Variants in PCDHA8 observed in about 807,000 individuals in gnomAD.
PCDHA8 encodes the protein protocadherin alpha 8, also known as protocadherin alpha-8.
Under a neutral mutation model 61.8 loss-of-function variants are expected in PCDHA8, and 53 were observed. The ratio of observed to expected loss-of-function variants is 0.86; its 90% CI spans 0.69 to 1.08. PCDHA8 has a LOEUF of 1.08. Ranked by LOEUF, PCDHA8 falls within the 50% of genes least tolerant of loss-of-function variation. PCDHA8 has a pLI of 0.00. For synonymous variants in PCDHA8, 618 were observed against 556.6 expected (o/e 1.11, Z -1.55); for missense variants, 1,293 against 1,245.0 (o/e 1.04, Z -0.58).
chr5:140,856,367 G>C, intron 1 of PCDHA8: 1 of 1,598,612 alleles, frequency 6.3e-7, no homozygotes, highest in Non-Finnish European at 8.6e-7. Context: ...CCACCTGGAG[G>C]TGATCGTGGA....
intron 1 of PCDHA8, among the ~76,000 whole-genome samples, chr5:140,974,864 C>T (rs949061887): frequency 6.6e-6 from 1 of 152,124 alleles, no homozygotes; most frequent in Non-Finnish European, 1.5e-5. Flanking sequence ...TGCCTTAATG[C>T]GGAACAGTCT....
chr5:140,876,839 C>G, intron 1 of PCDHA8: 1 of 1,614,116 alleles, frequency 6.2e-7, no homozygotes, highest in Non-Finnish European at 8.5e-7. Flanking sequence ...CCTGCGTTCG[C>G]GCAGCCCGAG....
chr5:140,884,403 T>C, intron 1 of PCDHA8: 1 of 1,613,992 alleles, frequency 6.2e-7, no homozygotes, highest in African/African-American at 1.3e-5. Context: ...AGCCTGTTGG[T>C]GCTCACGTTG....
intron 1 of PCDHA8, among the ~76,000 whole-genome samples, chr5:140,896,522 G>A (rs1228394123): frequency 6.7e-6 from 1 of 149,268 alleles, no homozygotes; most frequent in Non-Finnish European, 1.5e-5. Context: ...ACACCACAAA[G>A]CCCAGCTATT....
At chr5:140,979,257 C>T (rs1454477008) in intron 2 of PCDHA8, among the ~76,000 whole-genome samples, 1 of 152,194 alleles carries the variant, frequency 6.6e-6, no homozygotes, top group Non-Finnish European at 1.5e-5. Flanking sequence ...TATGTATTTT[C>T]TCCCATCAAA....
chr5:140,960,188 G>A (rs1371016387), intron 1 of PCDHA8, among the ~76,000 whole-genome samples: 7 of 152,132 alleles, frequency 4.6e-5, no homozygotes, highest in Non-Finnish European at 7.4e-5. Flanking sequence ...GGTTGCATGT[G>A]TAGTGGTCAG....
In PCDHA8 at chr5:140,882,396, C is replaced by A. The variant is rs1287441519; in HGVS notation, c.2394+38681C>A. 54 of 1,614,078 alleles carry A rather than the reference C, an allele frequency of 3.3e-5. No homozygotes were observed. The highest frequency in any genetic ancestry group is 4.6e-5 in the Non-Finnish European group (54 of 1,180,056). On this transcript the variant is annotated intron_variant, in intron 1 of 3. Transcript: ENST00000531613. The stretch of plus-strand genomic sequence containing the variant: ...GTCCCCGAGGAAGCAAAACACGGCA[C>A]CTTCGTGGGCCGCATCGCTCAGGAC...
At chr5:140,954,968 G>T (rs531304394) in intron 1 of PCDHA8, among the ~76,000 whole-genome samples, 4 of 152,200 alleles carry the variant, frequency 2.6e-5, no homozygotes, top group African/African-American at 9.6e-5. Context: ...TAAGGAAAGG[G>T]TCCAGTTTCA....
intron 1 of PCDHA8, chr5:140,848,198 C>A (rs891964710): frequency 3.2e-6 from 1 of 311,390 alleles, no homozygotes; most frequent in Non-Finnish European, 5.9e-6. Flanking sequence ...TCTGTTTCAA[C>A]AATCATTACT....
At chr5:140,849,541 A>C in intron 1 of PCDHA8, 1 of 1,598,262 alleles carries the variant, frequency 6.3e-7, no homozygotes, top group Non-Finnish European at 8.6e-7. Flanking sequence ...AATGCTCCAC[A>C]GTTGACTATC....
intron 2 of PCDHA8, among the ~76,000 whole-genome samples, chr5:140,981,680 C>T (rs1238332235): frequency 6.6e-6 from 1 of 151,746 alleles, no homozygotes; most frequent in Non-Finnish European, 1.5e-5. Flanking sequence ...CTTCCTTCCT[C>T]CCTTCCATCA....
At chr5:140,956,474 C>G (rs1585669580) in intron 1 of PCDHA8, among the ~76,000 whole-genome samples, 1 of 152,160 alleles carries the variant, frequency 6.6e-6, no homozygotes, top group East Asian at 1.9e-4. Flanking sequence ...ATATGTTGAA[C>G]CAGTCTTGCA....
intron 3 of PCDHA8, among the ~76,000 whole-genome samples, chr5:140,985,001 G>A (rs1554246727): frequency 1.3e-5 from 2 of 151,944 alleles, no homozygotes; most frequent in South Asian, 2.1e-4. Flanking sequence ...CCAGTGGCAC[G>A]ATATCGGCTC....
At chr5:140,863,393 C>G (rs782189753) in intron 1 of PCDHA8, 2 of 924,736 alleles carry the variant, frequency 2.2e-6, no homozygotes, top group Non-Finnish European at 3.3e-6. Flanking sequence ...TCGTGCATGC[C>G]GGGCAAGCCC....
chr5:140,891,009 A>AT (rs35053611), intron 1 of PCDHA8, among the ~76,000 whole-genome samples: 3 of 152,052 alleles, frequency 2.0e-5, no homozygotes, highest in East Asian at 3.9e-4. Context: ...ATTGAAAAGC[A>AT]TTTTTTCTGA....
intron 1 of PCDHA8, chr5:140,882,378 A>G: frequency 6.2e-7 from 1 of 1,614,186 alleles, no homozygotes; most frequent in Non-Finnish European, 8.5e-7. Flanking sequence ...TCCGTCCCCG[A>G]GGAAGCAAAA....
chr5:140,870,426 C>A (rs574302735), intron 1 of PCDHA8: 1 of 1,614,090 alleles, frequency 6.2e-7, no homozygotes, highest in Non-Finnish European at 8.5e-7. Context: ...CCAGGGTATC[C>A]GTGGAGGTGG....
intron 1 of PCDHA8, among the ~76,000 whole-genome samples, chr5:140,893,957 G>T (rs1308768731): frequency 1.3e-5 from 2 of 152,100 alleles, no homozygotes; most frequent in African/African-American, 4.8e-5. Context: ...GACTTTATTA[G>T]TCATTAGATA....
chr5:140,920,129 A>T lies in PCDHA8; in HGVS notation c.2395-58820A>T, dbSNP rs369489887. Among the ~76,000 whole-genome samples, 8 of 152,262 alleles carry T rather than the reference A, an allele frequency of 5.3e-5. No homozygotes were observed. The South Asian group carries it at 1.7e-3, about 32-fold the overall frequency. ...CAACCTTGCCAACATCTTGAGTTTT[A>T]ATTCTCCTCTCCAAACCTGGGAGAA... On this transcript the variant is annotated intron_variant, in intron 1 of 3. Transcript: ENST00000531613.
Sources: gnomAD v4.1 joint callset for allele counts (sites outside exome capture counted in the v4.1 genomes callset) on GRCh38, gnomAD v4.1.1 for gene constraint, MANE v1.5 for transcripts, NCBI Gene and HGNC (gene_info 2026-07-23, HGNC 2026-07-21) for gene names.